Variants in SVOPL observed in about 807,000 individuals in gnomAD.
SVOPL encodes the protein putative transporter SVOPL.
In SVOPL, 60 loss-of-function variants were observed where a neutral mutation model predicts 61.0. The observed-to-expected ratio is 0.98, with a 90% CI of 0.80 to 1.22. SVOPL has a LOEUF of 1.22. Among genes scored for constraint, SVOPL ranks in the 50% most tolerant of loss-of-function variants. The pLI is 0.00. For missense variants in SVOPL, 662 were observed against 643.9 expected, an observed-to-expected ratio of 1.03 and a Z score of -0.30; for synonymous variants, 279 against 250.0, an observed-to-expected ratio of 1.12 and a Z score of -1.09.
intron 14 of SVOPL, among the ~76,000 whole-genome samples, chr7:138,616,199 T>C (rs912749485): frequency 2.0e-5 from 3 of 152,232 alleles, no homozygotes; most frequent in Admixed American, 6.5e-5. Context: ...GTACATGCTA[T>C]AGCAGCCTGA....
At chr7:138,698,515 C>T (rs953475230) in intron 1 of SVOPL, among the ~76,000 whole-genome samples, 1 of 152,144 alleles carries the variant, frequency 6.6e-6, no homozygotes, top group Non-Finnish European at 1.5e-5. Context: ...ATCTGGCCAG[C>T]ATAAGACAGG....
chr7:138,689,377 A>G (rs1802889398), intron 1 of SVOPL: 1 of 1,569,118 alleles, frequency 6.4e-7, no homozygotes, highest in Non-Finnish European at 8.7e-7. Flanking sequence ...GACAGAGCTT[A>G]TGGTCGGATT....
At chr7:138,634,118 C>T (rs1198691042) in intron 9 of SVOPL, among the ~76,000 whole-genome samples, 1 of 152,174 alleles carries the variant, frequency 6.6e-6, no homozygotes, top group African/African-American at 2.4e-5. Context: ...CCTGGTCTCC[C>T]TGTTATGCAT....
intron 5 of SVOPL, chr7:138,662,245 A>G: frequency 1.0e-6 from 1 of 985,410 alleles, no homozygotes; most frequent in East Asian, 1.1e-4. Context: ...AGCACTAGTC[A>G]TTTTACTTTT....
At chr7:138,665,155 C>T (rs1802215574) in intron 4 of SVOPL, among the ~76,000 whole-genome samples, 1 of 97,938 alleles carries the variant, frequency 1.0e-5, no homozygotes, top group Non-Finnish European at 2.0e-5. Context: ...TCTGCAGGTG[C>T]TTGTCTTTAA....
At chr7:138,621,168 A>T in intron 13 of SVOPL, 33 bp from the exon 14 acceptor site, 1 of 1,592,916 alleles carries the variant, frequency 6.3e-7, no homozygotes, top group Non-Finnish European at 8.6e-7. Context: ...TACCAGTCAG[A>T]TAATGTCCGT....
chr7:138,646,835 C>G (rs1157481675), intron 8 of SVOPL, among the ~76,000 whole-genome samples: 1 of 152,136 alleles, frequency 6.6e-6, no homozygotes, highest in African/African-American at 2.4e-5. Flanking sequence ...AAGTCTTAGA[C>G]TACACCAACA....
Position 138,656,360 on chromosome 7 carries a change from C to T in SVOPL, c.534+88G>A, listed in dbSNP as rs1049623382. 5.9e-6 allele frequency: 8 copies of T among 1,352,440 alleles called. No individual in the cohort carries two copies. The African/African-American group carries it at 8.7e-5, about 15-fold the overall frequency. The allele number at this position is 1,352,440 out of a possible 1,614,324, so 83.8% of individuals were successfully genotyped here. On this transcript the variant is annotated intron_variant, in intron 7 of 15. Transcript: ENST00000674285. ...TCGCTTAATTGCAGCGAGCTGGTACCAAACCAGCAGTATTTCCAAGGTATG... is the reference window on the plus strand; with the variant it reads ...TCGCTTAATTGCAGCGAGCTGGTACTAAACCAGCAGTATTTCCAAGGTATG...
intron 13 of SVOPL, 100 bp from the exon 14 acceptor site, chr7:138,621,235 G>T: frequency 1.1e-6 from 1 of 870,642 alleles, no homozygotes; most frequent in Non-Finnish European, 1.7e-6. Context: ...GGAATGCATA[G>T]AGCACCAAAC....
chr7:138,659,587 T>G (rs1158652985), intron 6 of SVOPL, among the ~76,000 whole-genome samples: 1 of 152,026 alleles, frequency 6.6e-6, no homozygotes, highest in Non-Finnish European at 1.5e-5. Flanking sequence ...GGAACCAATG[T>G]AAATCTTACA....
chr7:138,657,134 GTTTATTTATTTATTTA>G (rs147009662), intron 6 of SVOPL, among the ~76,000 whole-genome samples: 15 of 147,134 alleles, frequency 1.0e-4, no homozygotes, highest in African/African-American at 2.0e-4. Context: ...TTTCTTATTT[GTTTATTTATTTATTTA>G]TTTATTTATT....
intron 4 of SVOPL, among the ~76,000 whole-genome samples, chr7:138,671,401 G>A (rs141693774): frequency 5.3e-5 from 8 of 152,144 alleles, no homozygotes; most frequent in African/African-American, 1.7e-4. Flanking sequence ...AGGCTGGAGC[G>A]CAATGGCGTG....
chr7:138,617,716 G>C (rs1341658031), intron 14 of SVOPL, among the ~76,000 whole-genome samples: 1 of 152,150 alleles, frequency 6.6e-6, no homozygotes, highest in Non-Finnish European at 1.5e-5. Context: ...CATGCCTGTA[G>C]TCCCAGCTAC....
chr7:138,620,220 G>A (rs1314483426), intron 14 of SVOPL, among the ~76,000 whole-genome samples: 4 of 143,948 alleles, frequency 2.8e-5, no homozygotes, highest in African/African-American at 5.1e-5. Flanking sequence ...TCCCGGGTTC[G>A]AGTGATTCTC....
At chr7:138,657,189 G>A (rs1257633701) in intron 6 of SVOPL, among the ~76,000 whole-genome samples, 1 of 149,976 alleles carries the variant, frequency 6.7e-6, no homozygotes, top group Non-Finnish European at 1.5e-5. Flanking sequence ...ACAAGGTCTG[G>A]CTGTCTCCCA....
In SVOPL at chr7:138,654,645, G is replaced by A. The variant is rs188018213; in HGVS notation, c.534+1803C>T. Among the ~76,000 whole-genome samples, 1,219 of 151,504 alleles carry A rather than the reference G, an allele frequency of 8.0e-3. 12 individuals are homozygous for A. The highest frequency in any genetic ancestry group is 0.022 in the Admixed American group (338 of 15,208). On this transcript the variant is annotated intron_variant, in intron 7 of 15. Coordinates refer to ENST00000674285, the MANE Select transcript of SVOPL (RefSeq NM_001139456.2). ...CTCCCGAGTAGCTGGGACTACAGGC[G>A]GTTTACTATTTTAAGACTACTGTTG...
intron 14 of SVOPL, among the ~76,000 whole-genome samples, chr7:138,611,276 G>A (rs371819505): frequency 2.0e-5 from 3 of 152,114 alleles, no homozygotes; most frequent in Admixed American, 2.0e-4. Flanking sequence ...TACTCGGGAC[G>A]CTGAGGCATG....
At chr7:138,633,816 C>T (rs577930589) in intron 9 of SVOPL, among the ~76,000 whole-genome samples, 1 of 152,320 alleles carries the variant, frequency 6.6e-6, no homozygotes, top group South Asian at 2.1e-4. Context: ...CTCACACTTA[C>T]AATGTAGGCC....
intron 7 of SVOPL, among the ~76,000 whole-genome samples, chr7:138,655,721 G>A (rs552094106): frequency 1.9e-3 from 284 of 149,574 alleles, no homozygotes; most frequent in African/African-American, 6.6e-3. Context: ...TACTATATTT[G>A]TGTAATATAG....
Sources: allele counts gnomAD v4.1 joint callset (sites outside exome capture counted in the v4.1 genomes callset), GRCh38; gene constraint gnomAD v4.1.1; transcripts MANE v1.5; gene names NCBI Gene and HGNC (gene_info 2026-07-23, HGNC 2026-07-21).